EIF4E3: variants seen among roughly 807,000 people sequenced by gnomAD.
EIF4E3 encodes the protein eukaryotic translation initiation factor 4E family member 3, also known as eukaryotic translation initiation factor 4E type 3.
In EIF4E3, 26 loss-of-function variants were observed where a neutral mutation model predicts 31.7. The ratio of observed to expected loss-of-function variants is 0.82; its 90% CI spans 0.60 to 1.14. The LOEUF (loss-of-function observed/expected upper bound fraction) is 1.14, where lower values mean the gene tolerates loss of function less well. EIF4E3 is among the 50% of genes most tolerant of loss of function. The pLI is 0.00. For missense variants in EIF4E3, 304 were observed against 270.9 expected, an observed-to-expected ratio of 1.12 and a Z score of -0.86; for synonymous variants, 128 against 107.7, an observed-to-expected ratio of 1.19 and a Z score of -1.17.
intron 2 of EIF4E3, among the ~76,000 whole-genome samples, chr3:71,704,366 C>T (rs1018582539): frequency 1.3e-5 from 2 of 152,188 alleles, no homozygotes; most frequent in Non-Finnish European, 2.9e-5. Context: ...CTTCCTGGTA[C>T]AGCCCAAGAG....
chr3:71,670,370 T>G, the EIF4E3 span, among the ~76,000 whole-genome samples: 1 of 152,156 alleles, frequency 6.6e-6, no homozygotes, highest in East Asian at 1.9e-4. Flanking sequence ...GCCCCTCCTT[T>G]TTCCCATTTA....
intron 1 of EIF4E3, among the ~76,000 whole-genome samples, chr3:71,737,110 C>A (rs573866809): frequency 6.6e-6 from 1 of 152,192 alleles, no homozygotes; most frequent in South Asian, 2.1e-4. Flanking sequence ...CTTTACACAC[C>A]GGAGGCTCAA....
At chr3:71,668,687 A>G in the EIF4E3 span, among the ~76,000 whole-genome samples, 2 of 152,238 alleles carry the variant, frequency 1.3e-5, no homozygotes, top group Non-Finnish European at 2.9e-5. Flanking sequence ...AATCAAAACC[A>G]CAATGAGACA....
intron 1 of EIF4E3, among the ~76,000 whole-genome samples, chr3:71,719,752 G>A (rs1202157658): frequency 2.0e-5 from 3 of 152,064 alleles, no homozygotes; most frequent in Admixed American, 6.6e-5. Context: ...TGGACAGGGC[G>A]CCTCTAATCC....
intron 5 of EIF4E3, among the ~76,000 whole-genome samples, chr3:71,693,649 CATAT>C (rs1205474084): frequency 1.3e-5 from 2 of 152,040 alleles, no homozygotes; most frequent in Admixed American, 1.3e-4. Flanking sequence ...TATATACATA[CATAT>C]ATAAATATGC....
intron 1 of EIF4E3, among the ~76,000 whole-genome samples, chr3:71,737,014 C>A (rs948960671): frequency 1.3e-5 from 2 of 152,212 alleles, no homozygotes; most frequent in African/African-American, 4.8e-5. Context: ...GCAACAATAG[C>A]TACCATTTTG....
chr3:71,734,306 T>C (rs2049739050), intron 1 of EIF4E3, among the ~76,000 whole-genome samples: 1 of 152,194 alleles, frequency 6.6e-6, no homozygotes, highest in African/African-American at 2.4e-5. Context: ...ATGTCACAAA[T>C]ATATACTGTG....
intron 1 of EIF4E3, among the ~76,000 whole-genome samples, chr3:71,723,333 A>C (rs1371267776): frequency 2.0e-5 from 3 of 152,280 alleles, no homozygotes; most frequent in Non-Finnish European, 4.4e-5. Context: ...TTGATCGGGC[A>C]AAATGAATTC....
At chr3:71,699,547 G>C in intron 3 of EIF4E3, 67 bp downstream of exon 3, 1 of 1,358,954 alleles carries the variant, frequency 7.4e-7, no homozygotes, top group Non-Finnish European at 1.0e-6. Context: ...CAGGTGATAT[G>C]ATCTTTTATG....
intron 1 of EIF4E3, among the ~76,000 whole-genome samples, chr3:71,734,572 T>C (rs1404245569): frequency 6.6e-6 from 1 of 152,140 alleles, no homozygotes; most frequent in Non-Finnish European, 1.5e-5. Context: ...TAATTTCCTA[T>C]TTTTCATTCT....
chr3:71,705,822 C>T (rs1327661823), intron 2 of EIF4E3, among the ~76,000 whole-genome samples: 3 of 152,118 alleles, frequency 2.0e-5, no homozygotes, highest in African/African-American at 7.2e-5. Flanking sequence ...AGATGTGGGT[C>T]TTGCCATGTT....
At chr3:71,709,300 C>T (rs912003896) in intron 2 of EIF4E3, among the ~76,000 whole-genome samples, 6 of 152,198 alleles carry the variant, frequency 3.9e-5, no homozygotes, top group Admixed American at 3.3e-4. Context: ...CTACCTGCAC[C>T]AGCCCGCTAA....
At chr3:71,696,373 G>T in intron 4 of EIF4E3, 87 bp downstream of exon 4, 3 of 1,454,440 alleles carry the variant, frequency 2.1e-6, no homozygotes, top group South Asian at 1.2e-5. Flanking sequence ...AGGTAAATAG[G>T]CTATCTGCAA....
intron 3 of EIF4E3, 138 bp downstream of exon 3, chr3:71,699,476 A>ATG (rs2049184588): frequency 2.1e-5 from 16 of 769,852 alleles, no homozygotes; most frequent in Middle Eastern, 4.8e-4. Context: ...ACTTACCCCC[A>ATG]GACCCTGGGC....
At position 71,714,242 on chromosome 3, in the gene EIF4E3, A is replaced by AAGAAAGGAAGG. The variant is rs1559602441; in HGVS notation, c.177-3759_177-3758insCCTTCCTTTCT. Among the ~76,000 whole-genome samples the AAGAAAGGAAGG allele has an allele frequency of 3.5e-4, 46 of 132,014 alleles. 2 individuals are homozygous for AAGAAAGGAAGG. The highest frequency in any genetic ancestry group is 6.3e-4 in the Non-Finnish European group (40 of 63,258). The allele number at this position is 132,014 out of a possible 152,430, so 86.6% of individuals were successfully genotyped here. ...AAAAGAAAGAAAGAAGGGAAGAAGG[A>AAGAAAGGAAGG]AAGGAAGGAAGGAAGGAAGGAAGGA... is the stretch of plus-strand genomic sequence containing the variant. On this transcript the variant is annotated intron_variant, in intron 1 of 6. Coordinates refer to ENST00000425534, the MANE Select transcript of EIF4E3 (RefSeq NM_001134651.2).
chr3:71,672,492 G>A (rs2048851781), downstream of EIF4E3, among the ~76,000 whole-genome samples: 1 of 152,178 alleles, frequency 6.6e-6, no homozygotes, highest in African/African-American at 2.4e-5. Context: ...GCCTGAGCAG[G>A]GAGGAAGATG....
intron 1 of EIF4E3, among the ~76,000 whole-genome samples, chr3:71,749,529 G>T (rs1264318568): frequency 6.6e-6 from 1 of 152,192 alleles, no homozygotes; most frequent in Non-Finnish European, 1.5e-5. Context: ...CCAGAAGCCT[G>T]AGGTTAAACA....
At chr3:71,718,702 G>A (rs2049501767) in intron 1 of EIF4E3, among the ~76,000 whole-genome samples, 1 of 152,158 alleles carries the variant, frequency 6.6e-6, no homozygotes, top group Non-Finnish European at 1.5e-5. Flanking sequence ...TGCCAGGTAA[G>A]GACCAGAAAC....
chr3:71,696,469 C>G lies in EIF4E3; in HGVS notation c.396G>C (p.Lys132Asn). 1 of 1,614,128 alleles carries G rather than the reference C, an allele frequency of 6.2e-7. No homozygotes were observed. The highest frequency in any genetic ancestry group is 8.5e-7 in the Non-Finnish European group (1 of 1,180,026). Reference protein sequence around the residue: ...KGGVWKMKVPKDSTSTVWKEL... With the variant: ...KGGVWKMKVPNDSTSTVWKEL... ...ATCAGTAGGAACCTACCGTGCTGTC[C>G]TTGGGGACTTTCATCTTCCATACGC... is the stretch of plus-strand genomic sequence containing the variant. The change falls in exon 4 of 7, where the codon AAG (lysine) becomes AAC (asparagine). Residue 132 changes from lysine (K) to asparagine (N), a missense_variant. Transcript: ENST00000425534.
Sources: allele counts gnomAD v4.1 joint callset (sites outside exome capture counted in the v4.1 genomes callset), GRCh38; gene constraint gnomAD v4.1.1; transcripts MANE v1.5; gene names NCBI Gene and HGNC (gene_info 2026-07-23, HGNC 2026-07-21).